Variants in SLC16A2 observed in about 807,000 individuals in gnomAD.
SLC16A2 encodes the protein monocarboxylate transporter 8.
SLC16A2 carries 3 observed loss-of-function variants against 27.2 expected under a neutral mutation model. The observed-to-expected ratio is 0.11, with a 90% CI of 0.05 to 0.28. SLC16A2 has a LOEUF of 0.28. Ranked by LOEUF, SLC16A2 falls within the 10% of genes least tolerant of loss-of-function variation. SLC16A2 has a pLI of 1.00. For missense variants in SLC16A2, 295 were observed against 458.5 expected (o/e 0.64, Z 3.26); for synonymous variants, 202 against 187.8 (o/e 1.08, Z -0.62).
intron 1 of SLC16A2, among the ~76,000 whole-genome samples, chrX:74,440,854 G>C (rs934942776): frequency 3.6e-5 from 4 of 110,661 alleles, no homozygotes; most frequent in African/African-American, 1.3e-4. Context: ...ATAGGGTAGA[G>C]TCAGGTCTGA....
chrX:74,448,366 G>T (rs1184487814), intron 1 of SLC16A2, among the ~76,000 whole-genome samples: 2 of 94,730 alleles, frequency 2.1e-5, no homozygotes, highest in Non-Finnish European at 4.1e-5. Context: ...GGAGCCTACA[G>T]CAAAGTGGCC....
At chrX:74,459,185 A>C (rs1929085168) in intron 1 of SLC16A2, among the ~76,000 whole-genome samples, 1 of 13,668 alleles carries the variant, frequency 7.3e-5, no homozygotes, top group Admixed American at 7.7e-4. Flanking sequence ...CATGACTCCG[A>C]TCTTGATCAA....
At chrX:74,494,863 C>G (rs749078006) in intron 1 of SLC16A2, among the ~76,000 whole-genome samples, 1 of 111,460 alleles carries the variant, frequency 9.0e-6, no homozygotes, top group African/African-American at 3.3e-5. Context: ...ATAATGACCA[C>G]ACTCTGACAC....
At chrX:74,429,795 T>C (rs1282845214) in intron 1 of SLC16A2, among the ~76,000 whole-genome samples, 1 of 112,023 alleles carries the variant, frequency 8.9e-6, no homozygotes, top group Admixed American at 9.5e-5. Flanking sequence ...ACAGGTTCAG[T>C]CACTTGTTCA....
chrX:74,450,672 A>C (rs769351354), intron 1 of SLC16A2, among the ~76,000 whole-genome samples: 2 of 111,884 alleles, frequency 1.8e-5, no homozygotes, highest in Non-Finnish European at 3.8e-5. Context: ...CATTATGCCA[A>C]TGGGGATTGC....
intron 1 of SLC16A2, among the ~76,000 whole-genome samples, chrX:74,517,976 G>T (rs897141568): frequency 1.1e-4 from 12 of 111,859 alleles, no homozygotes; most frequent in Non-Finnish European, 3.8e-5. Flanking sequence ...TTGCTGTGTT[G>T]TATTCCATTG....
Position 74,475,422 on chromosome X carries a change from T to C in SLC16A2, c.431-45568T>C, listed in dbSNP as rs1929452751. Among the ~76,000 whole-genome samples, 4 of 106,209 alleles carry C rather than the reference T, an allele frequency of 3.8e-5. No individual in the cohort carries two copies. The South Asian group carries it at 1.3e-3, about 34-fold the overall frequency. The allele number at this position is 106,209 out of a possible 115,157, so 92.2% of individuals were successfully genotyped here. On this transcript the variant is annotated intron_variant, in intron 1 of 5. Coordinates refer to ENST00000587091, the MANE Select transcript of SLC16A2 (RefSeq NM_006517.5). ...TAGGTTGCAAAAATTTTCTCCCATTTTGTAGGTTGCCTGTTCACTCTGATG... is the reference window on the plus strand; with the variant it reads ...TAGGTTGCAAAAATTTTCTCCCATTCTGTAGGTTGCCTGTTCACTCTGATG...
At chrX:74,437,708 A>C (rs1190744560) in intron 1 of SLC16A2, among the ~76,000 whole-genome samples, 1 of 112,066 alleles carries the variant, frequency 8.9e-6, no homozygotes, top group Non-Finnish European at 1.9e-5. Flanking sequence ...CAAACATGGA[A>C]AGCTCAGGTG....
intron 1 of SLC16A2, among the ~76,000 whole-genome samples, chrX:74,484,849 A>G (rs1176151820): frequency 8.9e-6 from 1 of 112,074 alleles, no homozygotes; most frequent in Non-Finnish European, 1.9e-5. Context: ...CTTAAGAGTC[A>G]AAAGACTTAA....
intron 1 of SLC16A2, among the ~76,000 whole-genome samples, chrX:74,502,423 A>C (rs894542775): frequency 1.8e-5 from 2 of 111,799 alleles, no homozygotes; most frequent in African/African-American, 6.5e-5. Flanking sequence ...TGGGCTCTCC[A>C]GTTCCTAAAG....
intron 1 of SLC16A2, among the ~76,000 whole-genome samples, chrX:74,486,465 G>T (rs1929722663): frequency 1.8e-5 from 2 of 111,944 alleles, no homozygotes; most frequent in Non-Finnish European, 3.8e-5. Context: ...CTCAAAACTG[G>T]CCCTTAAAAT....
chrX:74,426,438 G>A (rs1928403841), intron 1 of SLC16A2, among the ~76,000 whole-genome samples: 2 of 112,168 alleles, frequency 1.8e-5, no homozygotes, highest in African/African-American at 6.5e-5. Context: ...TTGAGTTGGG[G>A]TAGCTGGTTG....
At chrX:74,473,169 G>A (rs1315856336) in intron 1 of SLC16A2, 11 of 648,640 alleles carry the variant, frequency 1.7e-5, no homozygotes, top group Non-Finnish European at 2.3e-5. Context: ...AAGACTGATT[G>A]TTGTAACTGC....
intron 1 of SLC16A2, among the ~76,000 whole-genome samples, chrX:74,507,101 C>T (rs1013633182): frequency 1.9e-5 from 2 of 107,489 alleles, no homozygotes; most frequent in Non-Finnish European, 3.8e-5. Context: ...CCCGTGCCAC[C>T]ACACCTGGCT....
intron 1 of SLC16A2, among the ~76,000 whole-genome samples, chrX:74,490,426 T>C (rs950433577): frequency 9.3e-6 from 1 of 107,312 alleles, no homozygotes; most frequent in Non-Finnish European, 1.9e-5. Context: ...TGGGTTGAAG[T>C]GGGTTGCTTG....
chrX:74,477,336 C>T (rs1294473185), intron 1 of SLC16A2, among the ~76,000 whole-genome samples: 3 of 111,418 alleles, frequency 2.7e-5, no homozygotes, highest in South Asian at 3.7e-4. Flanking sequence ...TCCCCTTTAT[C>T]ATTTTTTTAT....
At chrX:74,442,492 G>A (rs969131870) in intron 1 of SLC16A2, among the ~76,000 whole-genome samples, 5 of 112,000 alleles carry the variant, frequency 4.5e-5, no homozygotes, top group African/African-American at 1.6e-4. Flanking sequence ...CTGCAGCATA[G>A]CTCTGAGAAA....
At chrX:74,462,144 G>A (rs749558889) in intron 1 of SLC16A2, among the ~76,000 whole-genome samples, 5 of 112,143 alleles carry the variant, frequency 4.5e-5, no homozygotes, top group Non-Finnish European at 9.4e-5. Context: ...TCGGAGTTTG[G>A]GTAGAGCCCT....
rs186211136 is a variant in SLC16A2, at chrX:74,515,834, G to A, written c.431-5156G>A. ...GAAAATATCCTTCAGGAATGAATGAGGAAATCAATACATTCTCAAACGAAG... is the reference window on the plus strand; with the variant it reads ...GAAAATATCCTTCAGGAATGAATGAAGAAATCAATACATTCTCAAACGAAG... On this transcript the variant is annotated intron_variant, in intron 1 of 5. Transcript: ENST00000587091. Among the ~76,000 whole-genome samples the A allele has an allele frequency of 3.6e-5, 4 of 111,533 alleles. No homozygotes were observed. The Admixed American group carries it at 3.8e-4, about 11-fold the overall frequency.
Sources: allele counts gnomAD v4.1 joint callset (sites outside exome capture counted in the v4.1 genomes callset), GRCh38; gene constraint gnomAD v4.1.1; transcripts MANE v1.5; gene names NCBI Gene and HGNC (gene_info 2026-07-23, HGNC 2026-07-21).